SRPK2: variants seen among roughly 807,000 people sequenced by gnomAD.
SRPK2 encodes the protein SFRS protein kinase 2.
Under a neutral mutation model 90.8 loss-of-function variants are expected in SRPK2, and 21 were observed. The ratio of observed to expected loss-of-function variants is 0.23; its 90% confidence interval spans 0.16 to 0.33. The LOEUF (loss-of-function observed/expected upper bound fraction) is 0.33, where lower values mean the gene tolerates loss of function less well. SRPK2 is among the 10% of genes least tolerant of loss of function. The pLI is 1.00. For missense variants in SRPK2, 620 were observed against 869.0 expected, an observed-to-expected ratio of 0.71 and a Z score of 3.60; for synonymous variants, 288 against 311.1, an observed-to-expected ratio of 0.93 and a Z score of 0.78.
At chr7:105,350,885 T>C (rs1166844966) in intron 2 of SRPK2, among the ~76,000 whole-genome samples, 1 of 152,184 alleles carries the variant, frequency 6.6e-6, no homozygotes, top group Admixed American at 6.5e-5. Context: ...ACAGCAGGAT[T>C]AGGGTAAGAA....
chr7:105,296,122 C>T (rs1326685046), intron 2 of SRPK2, among the ~76,000 whole-genome samples: 70 of 152,274 alleles, frequency 4.6e-4, no homozygotes, highest in Non-Finnish European at 1.0e-4. Context: ...ATACTTTGTG[C>T]AATCTCACAG....
chr7:105,318,004 G>C (rs1230305065), intron 2 of SRPK2, among the ~76,000 whole-genome samples: 1 of 152,112 alleles, frequency 6.6e-6, no homozygotes, highest in Non-Finnish European at 1.5e-5. Flanking sequence ...ACCCGACTCA[G>C]CCTCAGCCTC....
chr7:105,146,123 A>G (rs2129577499), intron 8 of SRPK2, among the ~76,000 whole-genome samples: 1 of 152,344 alleles, frequency 6.6e-6, no homozygotes, highest in East Asian at 1.9e-4. Context: ...CTAAATGGAC[A>G]ACAAGAATTT....
At chr7:105,396,453 C>T (rs993691631) in intron 1 of SRPK2, among the ~76,000 whole-genome samples, 5 of 151,754 alleles carry the variant, frequency 3.3e-5, no homozygotes, top group Non-Finnish European at 5.9e-5. Context: ...CTGGCTAACA[C>T]GGCGAAATCT....
At chr7:105,227,907 A>G (rs1452822348) in intron 2 of SRPK2, among the ~76,000 whole-genome samples, 1 of 151,736 alleles carries the variant, frequency 6.6e-6, no homozygotes, top group African/African-American at 2.4e-5. Context: ...AAAAAAAAAA[A>G]AAAAAAAAGT....
intron 2 of SRPK2, among the ~76,000 whole-genome samples, chr7:105,383,074 T>TTC (rs1488346252): frequency 8.6e-6 from 1 of 116,660 alleles, no homozygotes; most frequent in African/African-American, 3.1e-5. Context: ...TTTTTTTTTT[T>TTC]TTTTTTTGGA....
At chr7:105,298,329 T>C (rs148717737) in intron 2 of SRPK2, among the ~76,000 whole-genome samples, 3 of 152,326 alleles carry the variant, frequency 2.0e-5, no homozygotes, top group South Asian at 4.1e-4. Context: ...TTTTAACTGA[T>C]GAGTAGTATT....
intron 2 of SRPK2, chr7:105,302,161 T>C (rs945920353): frequency 3.8e-6 from 4 of 1,038,992 alleles, no homozygotes; most frequent in Non-Finnish European, 6.0e-6. Flanking sequence ...ATTACCATTT[T>C]CTGGTATTGA....
intron 3 of SRPK2, among the ~76,000 whole-genome samples, chr7:105,180,813 G>A (rs1009567898): frequency 1.3e-5 from 2 of 152,062 alleles, no homozygotes; most frequent in Admixed American, 1.3e-4. Context: ...TACCATTCTG[G>A]ACATAGGACC....
At chr7:105,322,766 TTGCACAGA>T (rs1813088257) in intron 2 of SRPK2, among the ~76,000 whole-genome samples, 1 of 150,824 alleles carries the variant, frequency 6.6e-6, no homozygotes, top group Non-Finnish European at 1.5e-5. Flanking sequence ...AAAAAACAGT[TTGCACAGA>T]TGTCTTATTA....
intron 2 of SRPK2, chr7:105,298,648 A>C (rs1015355722): frequency 1.5e-5 from 13 of 844,786 alleles, no homozygotes; most frequent in Non-Finnish European, 1.9e-5. Context: ...TATCAAATAA[A>C]AAGGCCCCAT....
chr7:105,346,873 A>C (rs1816523117), intron 2 of SRPK2, among the ~76,000 whole-genome samples: 1 of 151,550 alleles, frequency 6.6e-6, no homozygotes, highest in South Asian at 2.1e-4. Context: ...AAAAAAAAAA[A>C]AACTTTATTC....
intron 2 of SRPK2, among the ~76,000 whole-genome samples, chr7:105,292,603 C>T (rs778785408): frequency 6.6e-6 from 1 of 151,152 alleles, no homozygotes; most frequent in Non-Finnish European, 1.5e-5. Flanking sequence ...GCCTCTGAAA[C>T]GCACCTGAAG....
At chr7:105,169,793 G>A (rs558898688) in intron 3 of SRPK2, among the ~76,000 whole-genome samples, 3 of 152,244 alleles carry the variant, frequency 2.0e-5, no homozygotes, top group South Asian at 2.1e-4. Flanking sequence ...CTAGCACACC[G>A]TAATGATAAC....
chr7:105,379,489 T>C (rs1820692844), intron 2 of SRPK2, among the ~76,000 whole-genome samples: 5 of 152,304 alleles, frequency 3.3e-5, no homozygotes, highest in Non-Finnish European at 4.4e-5. Context: ...TTCATTTATA[T>C]GAAATTCAAG....
chr7:105,278,572 G>C (rs1168378926), intron 2 of SRPK2, among the ~76,000 whole-genome samples: 1 of 151,112 alleles, frequency 6.6e-6, no homozygotes, highest in Non-Finnish European at 1.5e-5. Context: ...TGTAGTCTGA[G>C]CTACTTGGGA....
chr7:105,388,259 G>A (rs984347757), intron 2 of SRPK2, among the ~76,000 whole-genome samples: 6 of 151,788 alleles, frequency 4.0e-5, no homozygotes, highest in African/African-American at 1.5e-4. Flanking sequence ...CTCCCGCAGC[G>A]GGCGGGCCGG....
At chr7:105,171,182 T>C (rs910162761) in intron 3 of SRPK2, among the ~76,000 whole-genome samples, 2 of 152,112 alleles carry the variant, frequency 1.3e-5, no homozygotes, top group Non-Finnish European at 2.9e-5. Flanking sequence ...CACTGATATC[T>C]GGCATGAGAA....
chr7:105,123,145 T>C (rs1022715567), intron 15 of SRPK2, among the ~76,000 whole-genome samples: 6 of 152,208 alleles, frequency 3.9e-5, no homozygotes, highest in African/African-American at 1.4e-4. Flanking sequence ...AGTTTCTTAA[T>C]GCTTTTTGGT....
Sources: gnomAD v4.1 joint callset for allele counts (sites outside exome capture counted in the v4.1 genomes callset) on GRCh38, gnomAD v4.1.1 for gene constraint, MANE v1.5 for transcripts, NCBI Gene and HGNC (gene_info 2026-07-23, HGNC 2026-07-21) for gene names.